The following SPTBN5 variants were observed in gnomAD, a reference collection of about 807,000 sequenced individuals.
SPTBN5 encodes the protein spectrin beta chain, non-erythrocytic 5.
Under a neutral mutation model 477.6 loss-of-function variants are expected in SPTBN5, and 513 were observed. The ratio of observed to expected loss-of-function variants is 1.07; its 90% CI spans 1.00 to 1.16. The LOEUF is 1.16. Among genes scored for constraint, SPTBN5 ranks in the 50% most tolerant of loss-of-function variants. The probability of loss-of-function intolerance (pLI) is 0.00; values close to 1 mark genes in which losing one functional copy is unlikely to be tolerated. For synonymous variants in SPTBN5, 2,169 were observed against 2,011.7 expected, an observed-to-expected ratio of 1.08 and a Z score of -2.09; for missense variants, 5,062 against 4,731.8, an observed-to-expected ratio of 1.07 and a Z score of -2.05.
rs374149289 is a variant in SPTBN5, at chr15:41,858,623, G to A, written c.8205C>T (p.His2735=). The part of the protein sequence containing the change: ...NFQAELDASM[H]QQQELQREGQ... ...TCACCCGCTGCAGCTCCTGCTGTTGGTGCATGCTCGCGTCCAGCTCCGCCT... is the reference window on the plus strand; with the variant it reads ...TCACCCGCTGCAGCTCCTGCTGTTGATGCATGCTCGCGTCCAGCTCCGCCT... The change falls in exon 49 of 68, where the codon CAC becomes CAT. Residue 2735 remains histidine, a synonymous_variant. Coordinates refer to ENST00000320955, the MANE Select transcript of SPTBN5 (RefSeq NM_016642.4). 3.0e-5 allele frequency: 49 copies of A among 1,611,298 alleles called. No homozygotes were observed. Among genetic ancestry groups the A allele is most frequent in the African/African-American group, 1.2e-4 (9 of 74,914 alleles).
chr15:41,869,294 T>G (rs1044261944), intron 32 of SPTBN5, among the ~76,000 whole-genome samples: 1 of 152,214 alleles, frequency 6.6e-6, no homozygotes, highest in African/African-American at 2.4e-5. Flanking sequence ...AGTGTCAGTT[T>G]GGGCCTCCTG....
chr15:41,850,100 G>C (rs1422811172), intron 66 of SPTBN5, 141 bp from the exon 67 acceptor site: 3 of 713,938 alleles, frequency 4.2e-6, no homozygotes, highest in Non-Finnish European at 7.3e-6. Flanking sequence ...CCACGTGGGG[G>C]TGTGGGGCGG....
Position 41,872,468 on chromosome 15 carries a change from C to CA in SPTBN5, c.5008-10dup, listed in dbSNP as rs751631296. 5.8e-6 allele frequency: 9 copies of CA among 1,548,508 alleles called. No homozygotes were observed. Among genetic ancestry groups the CA allele is most frequent in the Non-Finnish European group, 7.9e-6 (9 of 1,145,718 alleles). On this transcript the variant is annotated splice_polypyrimidine_tract_variant and intron_variant, in intron 26 of 67. Transcript: ENST00000320955. ...AGTTCCTCCTGTAGAGCCTATGATG[C>CA]ATGAGGACCCATGCCAGGCTCAGCC...
intron 67 of SPTBN5, 84 bp downstream of exon 67, chr15:41,849,785 G>T: frequency 9.1e-7 from 1 of 1,095,646 alleles, no homozygotes; most frequent in Non-Finnish European, 1.4e-6. Flanking sequence ...CTGAGGCCCA[G>T]AACCTCAGGC....
rs542700366 is a variant in SPTBN5 at position 41,891,999 on chromosome 15, TC to T, written c.384+894del. 8.5e-5 allele frequency among the ~76,000 whole-genome samples: 13 copies of T among 152,126 alleles called. No individual in the cohort carries two copies. In the South Asian group the frequency reaches 2.5e-3, roughly 29 times the overall value. On this transcript the variant is annotated intron_variant, in intron 3 of 67. Transcript: ENST00000320955. ...GAGGGGAGATGACTGGCTCACAGGG[TC>T]ATTGTCCCTGGATCAACTAGGGCCC...
intron 47 of SPTBN5, 144 bp from the exon 48 acceptor site, chr15:41,859,124 A>G: frequency 1.7e-6 from 1 of 583,926 alleles, no homozygotes; most frequent in African/African-American, 1.9e-5. Flanking sequence ...CCCCCTCTGT[A>G]TTTGTGTCTG....
intron 67 of SPTBN5, among the ~76,000 whole-genome samples, chr15:41,849,640 G>A (rs2065682175): frequency 6.6e-6 from 1 of 152,198 alleles, no homozygotes; most frequent in Non-Finnish European, 1.5e-5. Flanking sequence ...CTAGAGCCTG[G>A]AGTGAGCCCT....
At position 41,875,505 on chromosome 15, in the gene SPTBN5, C is replaced by T. The variant is rs530980618; in HGVS notation, c.4240G>A (p.Glu1414Lys). ...TCCTGCTGTCCAGCCTGCTGGAGCT[C>T]GTCCCCACGCTCAGTCATCTTGCGG... The part of the protein sequence containing the change: ...LNRKMTERGD[E>K]LQQAGQQEQL... The change falls in exon 22 of 68, where the codon GAG (glutamate) becomes AAG (lysine). Residue 1414 changes from glutamate (E) to lysine (K), a missense_variant. Glu to Lys is a moderately conservative substitution (Grantham distance 56). Coordinates refer to ENST00000320955, the MANE Select transcript of SPTBN5 (RefSeq NM_016642.4). The T allele has an allele frequency of 4.7e-5, 76 of 1,612,480 alleles. No individual in the cohort carries two copies. The highest frequency in any genetic ancestry group is 6.7e-5 in the East Asian group (3 of 44,852).
In SPTBN5 at chr15:41,855,363, T is replaced by C. The variant is rs775703265; in HGVS notation, c.9284A>G (p.Glu3095Gly). 13 of 1,605,292 alleles carry C rather than the reference T, an allele frequency of 8.1e-6. No individual in the cohort carries two copies. The highest frequency in any genetic ancestry group is 3.3e-4 in the Middle Eastern group (2 of 6,058). Residue 3095 changes from glutamate to glycine, a missense_variant, in exon 55 of 68, where the codon GAG (glutamate) becomes GGG (glycine). Coordinates refer to ENST00000320955, the MANE Select transcript of SPTBN5 (RefSeq NM_016642.4). ...CTCCTGCAGGCCGTGCCCCCTGGCC[T>C]CCGCCCTCCGCAGCAGCTCTGCGTG... ...EAHAELLRRA[E>G]ARGHGLQEQL... is the part of the protein sequence containing the mutation.
intron 63 of SPTBN5, 63 bp downstream of exon 63, chr15:41,851,716 C>G (rs946700306): frequency 7.8e-7 from 1 of 1,280,952 alleles, no homozygotes. Context: ...GATGGCTCTT[C>G]GAGCCACTCA....
intron 17 of SPTBN5, 44 bp from the exon 18 acceptor site, chr15:41,877,400 C>A: frequency 6.3e-7 from 1 of 1,579,026 alleles, no homozygotes; most frequent in East Asian, 2.3e-5. Context: ...AGCAGGCTCC[C>A]TCGTCAGCCT....
Position 41,848,472 on chromosome 15 carries a change from G to C in SPTBN5, c.*144C>G. 7.5e-6 allele frequency: 7 copies of C among 934,350 alleles called. No individual in the cohort carries two copies. The highest frequency in any genetic ancestry group is 1.2e-5 in the Non-Finnish European group (7 of 568,346). 57.9% of individuals were successfully genotyped at this position (934,350 alleles called of 1,614,324 possible). Reference sequence around the variant, plus strand: ...AGGACCCATCTAACCAGAAGGAACTGTCTATTCCAGAAGCTGGGCCTGGGG... The same window carrying C: ...AGGACCCATCTAACCAGAAGGAACTCTCTATTCCAGAAGCTGGGCCTGGGG... On this transcript the variant is annotated 3_prime_UTR_variant, in exon 68 of 68. Coordinates refer to ENST00000320955, the MANE Select transcript of SPTBN5 (RefSeq NM_016642.4).
chr15:41,855,231 C>T lies in SPTBN5; in HGVS notation c.9416G>A (p.Gly3139Asp), dbSNP rs2065897449. ...TGCTCAGGAGTAACTCACCTTGACA[C>T]CCTCCAGGTCCTGCCCGTAGTCCTG... The part of the protein sequence containing the change: ...ESQDYGQDLE[G>D]VKVLEEKFDA... Residue 3139 changes from glycine to aspartate, a missense_variant, in exon 55 of 68, where the codon GGT (glycine) becomes GAT (aspartate). Coordinates refer to ENST00000320955, the MANE Select transcript of SPTBN5 (RefSeq NM_016642.4). 3.1e-6 allele frequency: 5 copies of T among 1,609,866 alleles called. No homozygotes were observed. The highest frequency in any genetic ancestry group is 3.4e-6 in the Non-Finnish European group (4 of 1,177,756).
intron 67 of SPTBN5, among the ~76,000 whole-genome samples, chr15:41,849,339 C>T (rs1034467717): frequency 1.3e-5 from 2 of 152,222 alleles, no homozygotes; most frequent in African/African-American, 2.4e-5. Context: ...CCCTGGCCTG[C>T]AGGCCGGGAC....
In SPTBN5 at chr15:41,857,419, T is replaced by G; in HGVS notation, c.8440A>C (p.Thr2814Pro). ...ACCCCAGGCAGGGCCTGGCCCACAG[T>G]GGGGGCTCTCAGCTCAACCTCGATG... ...EPIEVELRAP[T>P]VGQALPGVGE... Residue 2814 changes from threonine to proline, a missense_variant, in exon 51 of 68, where the codon ACT becomes CCT. By Grantham distance (38) the Thr-to-Pro change is conservative. Coordinates refer to ENST00000320955, the MANE Select transcript of SPTBN5 (RefSeq NM_016642.4). 6.2e-7 allele frequency: 1 copy of G among 1,601,054 alleles called. No individual in the cohort carries two copies. The highest frequency in any genetic ancestry group is 8.5e-7 in the Non-Finnish European group (1 of 1,174,288).
In SPTBN5 at chr15:41,848,237, G is replaced by T. The variant is rs540682208; in HGVS notation, c.*379C>A. ...CATGGCAAGGGCTGGTACAGAGCTC[G>T]CTCATCAGTGTTCTTCCTCCGAAGA... On this transcript the variant is annotated 3_prime_UTR_variant, in exon 68 of 68. Transcript: ENST00000320955. The T allele has an allele frequency of 1.0e-5, 5 of 490,786 alleles. No individual in the cohort carries two copies. The highest frequency in any genetic ancestry group is 5.8e-5 in the African/African-American group (3 of 51,722). 30.4% of individuals were successfully genotyped at this position (490,786 alleles called of 1,614,324 possible).
At chr15:41,868,986 G>A (rs537133477) in intron 32 of SPTBN5, among the ~76,000 whole-genome samples, 5 of 152,312 alleles carry the variant, frequency 3.3e-5, no homozygotes, top group South Asian at 2.1e-4. Context: ...CCCCTTGGCC[G>A]CATTTGCCTG....
At chr15:41,875,327 T>C (rs1339125855) in intron 22 of SPTBN5, 131 bp downstream of exon 22, 6 of 1,188,452 alleles carry the variant, frequency 5.0e-6, no homozygotes, top group Admixed American at 2.7e-5. Flanking sequence ...GCTCAGCTTG[T>C]CCTAGGCCAG....
At chr15:41,865,946 C>A in intron 38 of SPTBN5, 43 bp from the exon 39 acceptor site, 3 of 1,548,298 alleles carry the variant, frequency 1.9e-6, no homozygotes, top group Non-Finnish European at 2.6e-6. Context: ...TGAGCACCAG[C>A]CCAGGCTCCT....
Sources: allele counts gnomAD v4.1 joint callset (sites outside exome capture counted in the v4.1 genomes callset), GRCh38; gene constraint gnomAD v4.1.1; transcripts MANE v1.5; gene names NCBI Gene and HGNC (gene_info 2026-07-23, HGNC 2026-07-21).